ADAM20: variants seen among roughly 807,000 people sequenced by gnomAD.
ADAM20 encodes ADAM metallopeptidase domain 20, also known as disintegrin and metalloproteinase domain-containing protein 20.
For synonymous variants in ADAM20, 305 were observed against 310.2 expected (o/e 0.98, Z 0.18); for missense variants, 871 against 883.2 (o/e 0.99, Z 0.18).
At chr14:70,526,684 T>A (rs1305510140) in intron 1 of ADAM20, among the ~76,000 whole-genome samples, 2 of 152,218 alleles carry the variant, frequency 1.3e-5, no homozygotes, top group Non-Finnish European at 2.9e-5. Context: ...CAAAGACAAG[T>A]CTTAAAGGAA....
chr14:70,557,808 G>A, the ADAM20 span, among the ~76,000 whole-genome samples: 1 of 150,638 alleles, frequency 6.6e-6, no homozygotes, highest in Non-Finnish European at 1.5e-5. Context: ...TATTTTATGT[G>A]TGGCCCAAGA....
intron 1 of ADAM20, among the ~76,000 whole-genome samples, chr14:70,534,106 AAAC>A (rs1369859567): frequency 0.017 from 2,287 of 132,014 alleles, 12 homozygotes; most frequent in African/African-American, 0.034. Flanking sequence ...AAAAAAAAAA[AAAC>A]ACACACACAC....
At chr14:70,578,679 G>T in the ADAM20 span, among the ~76,000 whole-genome samples, 1 of 152,100 alleles carries the variant, frequency 6.6e-6, no homozygotes, top group Non-Finnish European at 1.5e-5. Context: ...GTGGGCAAAG[G>T]ACATGAACAG....
intron 1 of ADAM20, among the ~76,000 whole-genome samples, chr14:70,525,396 T>G (rs930216504): frequency 7.2e-5 from 11 of 152,024 alleles, no homozygotes; most frequent in Admixed American, 6.6e-5. Context: ...TGATTTTTTT[T>G]GGGGGGATAG....
chr14:70,538,753 G>A (rs1157935513), upstream of ADAM20, among the ~76,000 whole-genome samples: 1 of 152,172 alleles, frequency 6.6e-6, no homozygotes, highest in Non-Finnish European at 1.5e-5. Context: ...TTGTCTTCCA[G>A]CTATACTTGT....
the ADAM20 span, among the ~76,000 whole-genome samples, chr14:70,569,844 C>A: frequency 7.0e-6 from 1 of 143,770 alleles, no homozygotes; most frequent in Non-Finnish European, 1.5e-5. Context: ...CTTCACTACC[C>A]CACTGACAGC....
the ADAM20 span, among the ~76,000 whole-genome samples, chr14:70,544,181 C>T: frequency 5.3e-5 from 8 of 152,312 alleles, no homozygotes; most frequent in East Asian, 1.5e-3. Flanking sequence ...GATAAGCTCT[C>T]TTATCCTAAA....
At chr14:70,566,435 A>T in the ADAM20 span, among the ~76,000 whole-genome samples, 81 of 152,288 alleles carry the variant, frequency 5.3e-4, 1 homozygote, top group East Asian at 0.015. Context: ...GGAGATACAC[A>T]AAAGAGAAAG....
chr14:70,569,885 C>T, the ADAM20 span, among the ~76,000 whole-genome samples: 8 of 76,186 alleles, frequency 1.1e-4, no homozygotes, highest in Non-Finnish European at 1.3e-4. Context: ...AGAAAACTAA[C>T]AAAAAAAAAA....
chr14:70,568,091 A>G, the ADAM20 span, among the ~76,000 whole-genome samples: 1 of 152,116 alleles, frequency 6.6e-6, no homozygotes, highest in Admixed American at 6.5e-5. Flanking sequence ...GAACTGCACC[A>G]CCAAACAAAA....
At chr14:70,539,357 C>A (rs570966988), upstream of ADAM20, among the ~76,000 whole-genome samples, 1 of 152,328 alleles carries the variant, frequency 6.6e-6, no homozygotes, top group East Asian at 1.9e-4. Flanking sequence ...TTTCACATCA[C>A]CAAGATTCCT....
At chr14:70,541,205 C>A in the ADAM20 span, among the ~76,000 whole-genome samples, 189 of 152,186 alleles carry the variant, frequency 1.2e-3, no homozygotes, top group African/African-American at 4.4e-3. Context: ...CTGAAGGTCA[C>A]GAAAAATTTT....
intron 1 of ADAM20, among the ~76,000 whole-genome samples, chr14:70,525,294 C>T (rs1883565804): frequency 6.6e-6 from 1 of 152,060 alleles, no homozygotes; most frequent in Admixed American, 6.6e-5. Context: ...GCACATTGCA[C>T]CCTCAAAGTC....
At chr14:70,555,825 G>A in the ADAM20 span, among the ~76,000 whole-genome samples, 1 of 152,032 alleles carries the variant, frequency 6.6e-6, no homozygotes, top group African/African-American at 2.4e-5. Context: ...AAACCACTTA[G>A]TTTCTGGTTC....
the ADAM20 span, among the ~76,000 whole-genome samples, chr14:70,568,589 G>A: frequency 6.6e-6 from 1 of 152,074 alleles, no homozygotes; most frequent in Non-Finnish European, 1.5e-5. Flanking sequence ...AGGAAACTCA[G>A]TAAGATCCAA....
At position 70,523,108 on chromosome 14, in the gene ADAM20, T is replaced by C. The variant is rs777170695; in HGVS notation, c.1650A>G (p.Thr550=). The C allele has an allele frequency of 1.9e-6, 3 of 1,613,920 alleles. No individual in the cohort carries two copies. The highest frequency in any genetic ancestry group is 2.5e-6 in the Non-Finnish European group (3 of 1,179,972). ...TATCAGGGGTCCAACATTTTACATA[T>C]GTTGTGCCTACAATACCACAGTGAC... is the stretch of plus-strand genomic sequence containing the variant. ...RFGHCGIVGT[T]YVKCWTPDIM... is the part of the protein sequence containing the mutation. The change falls in exon 2 of 2, where the codon ACA becomes ACG. Residue 550 remains threonine (T), a synonymous_variant. Transcript: ENST00000256389.
rs2139527328 is a variant in ADAM20 at position 70,522,970 on chromosome 14, A to G, written c.1788T>C (p.Tyr596=). Residue 596 remains tyrosine, a synonymous_variant, in exon 2 of 2, where the codon TAT becomes TAC. Transcript: ENST00000256389. ...TATCAGGTATAGCCATCCCTAAATG[A>G]TAATCAGTGCCCCAGCAAGTGGTGT... ...LNDTTCWGTD[Y]HLGMAIPDIG... is the part of the protein sequence containing the mutation. 1.9e-6 allele frequency: 3 copies of G among 1,614,054 alleles called. No individual in the cohort carries two copies. The South Asian group carries it at 3.3e-5, about 18-fold the overall frequency.
At position 70,522,862 on chromosome 14, in the gene ADAM20, T is replaced by A; in HGVS notation, c.1896A>T (p.Ser632=). Residue 632 remains serine (S), a synonymous_variant, in exon 2 of 2, where the codon TCA becomes TCT. Coordinates refer to ENST00000256389, the MANE Select transcript of ADAM20 (RefSeq NM_003814.5). ...RKKCASMVHL[S]QACQPKTCNM... ...TGCAGGTCTTAGGCTGACAGGCTTGTGACAGATGAACCATACTGGCACACT... is the reference window on the plus strand; with the variant it reads ...TGCAGGTCTTAGGCTGACAGGCTTGAGACAGATGAACCATACTGGCACACT... 2 of 1,614,078 alleles carry A rather than the reference T, an allele frequency of 1.2e-6. No homozygotes were observed. The highest frequency in any genetic ancestry group is 1.7e-6 in the Non-Finnish European group (2 of 1,179,950).
chr14:70,540,901 T>C, the ADAM20 span, among the ~76,000 whole-genome samples: 5,974 of 152,320 alleles, frequency 0.039, 388 homozygotes, highest in African/African-American at 0.13. Flanking sequence ...CAAGAGATTC[T>C]CTTGCCTCAA....
Sources: allele counts gnomAD v4.1 joint callset (sites outside exome capture counted in the v4.1 genomes callset), GRCh38; gene constraint gnomAD v4.1.1; transcripts MANE v1.5; gene names NCBI Gene and HGNC (gene_info 2026-07-23, HGNC 2026-07-21).